Variants in STXBP5L observed in about 807,000 individuals in gnomAD.
The protein encoded by STXBP5L is syntaxin-binding protein 5-like.
A neutral mutation model predicts 144.5 loss-of-function variants in STXBP5L; 65 were observed. That is an observed-to-expected ratio of 0.45 (90% confidence interval 0.37 to 0.55). STXBP5L has a LOEUF of 0.55. Among genes scored for constraint, STXBP5L ranks in the 20% least tolerant of loss-of-function variants. The pLI, the probability that STXBP5L is intolerant of heterozygous loss-of-function variation, is 0.00. For synonymous variants in STXBP5L, 505 were observed against 469.6 expected, an observed-to-expected ratio of 1.08 and a Z score of -0.97; for missense variants, 1,298 against 1,405.5, an observed-to-expected ratio of 0.92 and a Z score of 1.22.
intron 6 of STXBP5L, among the ~76,000 whole-genome samples, chr3:121,117,661 T>TA (rs974383190): frequency 4.6e-5 from 7 of 151,884 alleles, no homozygotes; most frequent in East Asian, 1.9e-4. Context: ...AAGAATTATC[T>TA]AAAAAAATAT....
chr3:121,097,005 T>C (rs1375298500), intron 5 of STXBP5L, among the ~76,000 whole-genome samples: 1 of 152,130 alleles, frequency 6.6e-6, no homozygotes, highest in Non-Finnish European at 1.5e-5. Flanking sequence ...ATATGTCCCT[T>C]ATGGGGGCTG....
At chr3:121,285,857 TA>T (rs199943100) in intron 19 of STXBP5L, among the ~76,000 whole-genome samples, 2,484 of 152,200 alleles carry the variant, frequency 0.016, 36 homozygotes, top group Middle Eastern at 0.061. Context: ...TTAATGTTAA[TA>T]AAAGTGATTC....
At chr3:121,066,571 G>A (rs1218639145) in intron 5 of STXBP5L, among the ~76,000 whole-genome samples, 1 of 151,862 alleles carries the variant, frequency 6.6e-6, no homozygotes, top group Non-Finnish European at 1.5e-5. Context: ...CAAATTTTGC[G>A]ATGTATTAGC....
intron 3 of STXBP5L, among the ~76,000 whole-genome samples, chr3:120,980,254 T>G (rs761781367): frequency 2.4e-4 from 36 of 152,210 alleles, no homozygotes; most frequent in Admixed American, 1.3e-3. Context: ...GAGACCAATT[T>G]AAGTAAAGAC....
At chr3:121,218,405 A>T (rs2048869575) in intron 10 of STXBP5L, among the ~76,000 whole-genome samples, 1 of 148,046 alleles carries the variant, frequency 6.8e-6, no homozygotes, top group Non-Finnish European at 1.5e-5. Context: ...TTTAGTAGTT[A>T]TTACTATATT....
intron 2 of STXBP5L, among the ~76,000 whole-genome samples, chr3:120,930,023 A>G (rs1709839902): frequency 1.3e-5 from 2 of 151,884 alleles, no homozygotes; most frequent in South Asian, 4.1e-4. Flanking sequence ...AATTTTTCCC[A>G]GTTCATTATT....
intron 5 of STXBP5L, among the ~76,000 whole-genome samples, chr3:121,093,909 A>G (rs1430254944): frequency 6.6e-6 from 1 of 152,044 alleles, no homozygotes; most frequent in Non-Finnish European, 1.5e-5. Flanking sequence ...GTGGGCATTT[A>G]GTGCTATACA....
intron 9 of STXBP5L, among the ~76,000 whole-genome samples, chr3:121,175,330 G>A (rs756839947): frequency 7.2e-5 from 11 of 152,050 alleles, no homozygotes; most frequent in Admixed American, 1.3e-4. Context: ...GTAACTACTG[G>A]CTAGATTAAT....
chr3:121,045,367 T>C (rs1249744084), intron 4 of STXBP5L, 68 bp from the exon 5 acceptor site: 1 of 1,411,762 alleles, frequency 7.1e-7, no homozygotes, highest in African/African-American at 1.4e-5. Context: ...GTAAATTAGC[T>C]TGTTTGTGAT....
At chr3:121,300,113 G>T (rs1408515408) in intron 19 of STXBP5L, among the ~76,000 whole-genome samples, 1 of 151,824 alleles carries the variant, frequency 6.6e-6, no homozygotes, top group East Asian at 1.9e-4. Context: ...GGAAAAATAT[G>T]AATAATGAGT....
intron 8 of STXBP5L, 143 bp from the exon 9 acceptor site, chr3:121,157,361 C>G: frequency 1.2e-6 from 1 of 831,302 alleles, no homozygotes; most frequent in Non-Finnish European, 1.7e-6. Flanking sequence ...AAATTATAGT[C>G]TGATATGGGT....
chr3:121,198,153 G>A (rs990968396), intron 9 of STXBP5L, among the ~76,000 whole-genome samples: 7 of 152,020 alleles, frequency 4.6e-5, no homozygotes, highest in South Asian at 2.1e-4. Context: ...ACTCACCAGC[G>A]TCTGTTCTTT....
intron 19 of STXBP5L, among the ~76,000 whole-genome samples, chr3:121,281,263 A>C (rs1408735221): frequency 6.6e-6 from 1 of 151,948 alleles, no homozygotes; most frequent in Non-Finnish European, 1.5e-5. Context: ...TCAGAAACCA[A>C]GGGTTTTTAG....
intron 20 of STXBP5L, among the ~76,000 whole-genome samples, chr3:121,354,621 C>T (rs1446721986): frequency 6.7e-6 from 1 of 149,226 alleles, no homozygotes; most frequent in Non-Finnish European, 1.5e-5. Flanking sequence ...GAATACAGCA[C>T]ACTGATGGGT....
At chr3:121,416,205 A>G (rs1183241354) in intron 25 of STXBP5L, among the ~76,000 whole-genome samples, 1 of 152,044 alleles carries the variant, frequency 6.6e-6, no homozygotes, top group African/African-American at 2.4e-5. Context: ...AGTGATACAT[A>G]TAATTCATAC....
chr3:121,215,038 T>G (rs2048724612), intron 10 of STXBP5L, among the ~76,000 whole-genome samples: 1 of 152,128 alleles, frequency 6.6e-6, no homozygotes, highest in Admixed American at 6.5e-5. Context: ...GCTTTTTTTT[T>G]TCTTTCCATT....
At chr3:121,302,776 G>A (rs2051973168) in intron 19 of STXBP5L, among the ~76,000 whole-genome samples, 1 of 152,130 alleles carries the variant, frequency 6.6e-6, no homozygotes, top group South Asian at 2.1e-4. Flanking sequence ...AATAAGAAAT[G>A]GGGAAAGGAT....
At chr3:121,379,618 A>G (rs914764610) in intron 21 of STXBP5L, among the ~76,000 whole-genome samples, 1 of 152,188 alleles carries the variant, frequency 6.6e-6, no homozygotes, top group Non-Finnish European at 1.5e-5. Context: ...CAAATTTAAA[A>G]AAATTATATT....
chr3:121,134,858 A>G (rs1417294630), intron 7 of STXBP5L, among the ~76,000 whole-genome samples: 1 of 152,222 alleles, frequency 6.6e-6, no homozygotes, highest in Non-Finnish European at 1.5e-5. Flanking sequence ...TAGTACCACA[A>G]TAAACATACA....
Sources: gnomAD v4.1 joint callset for allele counts (sites outside exome capture counted in the v4.1 genomes callset) on GRCh38, gnomAD v4.1.1 for gene constraint, MANE v1.5 for transcripts, NCBI Gene and HGNC (gene_info 2026-07-23, HGNC 2026-07-21) for gene names.